Variants in PARN observed in about 807,000 individuals in gnomAD.
PARN encodes the protein poly(A)-specific ribonuclease.
Under a neutral mutation model 102.8 loss-of-function variants are expected in PARN, and 71 were observed. The observed-to-expected ratio is 0.69, with a 90% CI of 0.57 to 0.84. PARN has a LOEUF of 0.84. PARN is among the 40% of genes least tolerant of loss of function. PARN has a pLI of 0.00. For synonymous variants in PARN, 261 were observed against 252.9 expected, an observed-to-expected ratio of 1.03 and a Z score of -0.30; for missense variants, 782 against 760.9, an observed-to-expected ratio of 1.03 and a Z score of -0.33.
intron 5 of PARN, among the ~76,000 whole-genome samples, chr16:14,621,925 T>C (rs560420105): frequency 6.6e-6 from 1 of 151,154 alleles, no homozygotes; most frequent in South Asian, 2.1e-4. Flanking sequence ...GGGAGCAGTG[T>C]CTCACGCCTG....
chr16:14,572,373 T>G (rs190048231), intron 18 of PARN, among the ~76,000 whole-genome samples: 1 of 152,106 alleles, frequency 6.6e-6, no homozygotes, highest in African/African-American at 2.4e-5. Flanking sequence ...CAAAATAAGT[T>G]GACACTGGGA....
intron 18 of PARN, among the ~76,000 whole-genome samples, chr16:14,573,511 G>C (rs1315360313): frequency 6.6e-6 from 1 of 152,082 alleles, no homozygotes; most frequent in Non-Finnish European, 1.5e-5. Flanking sequence ...TATATGCTGG[G>C]CACTTATTAA....
At chr16:14,493,200 C>CTCAT (rs1398409721) in intron 21 of PARN, among the ~76,000 whole-genome samples, 1 of 152,104 alleles carries the variant, frequency 6.6e-6, no homozygotes, top group Non-Finnish European at 1.5e-5. Flanking sequence ...AAACATTCAT[C>CTCAT]TCATTCATTC....
intron 11 of PARN, among the ~76,000 whole-genome samples, chr16:14,603,356 A>C (rs1269778705): frequency 6.6e-6 from 1 of 152,106 alleles, no homozygotes; most frequent in Non-Finnish European, 1.5e-5. Context: ...CATTGTGGTT[A>C]AGTCAATTAG....
At chr16:14,593,135 G>GA (rs201534429) in intron 13 of PARN, among the ~76,000 whole-genome samples, 166 bp downstream of exon 13, 297 of 150,306 alleles carry the variant, frequency 2.0e-3, no homozygotes, top group Non-Finnish European at 3.6e-3. Context: ...ACATCTCAAG[G>GA]AAAAAAAAAT....
chr16:14,584,338 T>A lies in PARN; in HGVS notation c.1081+9A>T, dbSNP rs769742368. 1.9e-6 allele frequency: 3 copies of A among 1,589,676 alleles called. No individual in the cohort carries two copies. In the East Asian group the frequency reaches 6.7e-5, roughly 36 times the overall value. On this transcript the variant is annotated intron_variant, in intron 16 of 23. Coordinates refer to ENST00000437198, the MANE Select transcript of PARN (RefSeq NM_002582.4). The stretch of plus-strand genomic sequence containing the variant: ...AGAGTTTGGAGGGTTTCCGGTTTAA[T>A]ATTCTTACCAACTTTAGGAGGGTTG...
At chr16:14,467,194 A>C (rs1174227808) in intron 22 of PARN, among the ~76,000 whole-genome samples, 1 of 152,218 alleles carries the variant, frequency 6.6e-6, no homozygotes, top group Non-Finnish European at 1.5e-5. Context: ...ATTCCAAATG[A>C]AGGCATCATT....
chr16:14,620,463 A>T (rs2151813447), intron 5 of PARN, among the ~76,000 whole-genome samples: 1 of 152,366 alleles, frequency 6.6e-6, no homozygotes, highest in Admixed American at 6.5e-5. Context: ...TTCATACTCA[A>T]ATGAACTTAA....
chr16:14,612,437 AAAAAAT>A (rs1367345091), intron 6 of PARN, among the ~76,000 whole-genome samples: 1 of 152,100 alleles, frequency 6.6e-6, no homozygotes, highest in African/African-American at 2.4e-5. Context: ...CTGTCTCAAA[AAAAAAT>A]AAAAATAAAA....
At chr16:14,500,097 T>C (rs1964507580) in intron 21 of PARN, among the ~76,000 whole-genome samples, 1 of 152,184 alleles carries the variant, frequency 6.6e-6, no homozygotes. Flanking sequence ...ACTCTGTCAC[T>C]CAGGCTGGAG....
At chr16:14,588,070 G>A (rs1969965728) in intron 13 of PARN, among the ~76,000 whole-genome samples, 2 of 152,200 alleles carry the variant, frequency 1.3e-5, no homozygotes, top group African/African-American at 2.4e-5. Context: ...ACAATGTTCT[G>A]TGGGAGTTGA....
intron 22 of PARN, among the ~76,000 whole-genome samples, chr16:14,465,097 G>C (rs1256225966): frequency 6.6e-6 from 1 of 152,072 alleles, no homozygotes; most frequent in Non-Finnish European, 1.5e-5. Context: ...ATAGGATCTT[G>C]CTCTCTGTTA....
At chr16:14,597,035 C>T (rs910177279) in intron 12 of PARN, among the ~76,000 whole-genome samples, 1 of 152,076 alleles carries the variant, frequency 6.6e-6, no homozygotes, top group Non-Finnish European at 1.5e-5. Context: ...GATCCGCCCC[C>T]CTTGGCCTCC....
At chr16:14,491,215 GTTAA>G (rs1964041486) in intron 21 of PARN, among the ~76,000 whole-genome samples, 1 of 149,588 alleles carries the variant, frequency 6.7e-6, no homozygotes, top group Non-Finnish European at 1.5e-5. Context: ...ATTCTATTCT[GTTAA>G]ACCCTTCGGC....
At chr16:14,439,040 A>G (rs1960833576) in intron 23 of PARN, among the ~76,000 whole-genome samples, 1 of 152,178 alleles carries the variant, frequency 6.6e-6, no homozygotes, top group South Asian at 2.1e-4. Flanking sequence ...GCCCTGTTTT[A>G]CTGGAGTGTA....
At chr16:14,458,702 C>T (rs144261829) in intron 22 of PARN, among the ~76,000 whole-genome samples, 154 of 152,270 alleles carry the variant, frequency 1.0e-3, no homozygotes, top group Non-Finnish European at 1.5e-3. Flanking sequence ...ATTCCTAAAA[C>T]GAGCAGGTGA....
intron 22 of PARN, among the ~76,000 whole-genome samples, chr16:14,469,808 C>A (rs999805502): frequency 6.6e-6 from 1 of 152,004 alleles, no homozygotes; most frequent in Non-Finnish European, 1.5e-5. Context: ...TCCGCTAACA[C>A]CACTATAAAT....
intron 22 of PARN, among the ~76,000 whole-genome samples, chr16:14,448,390 G>A (rs890445639): frequency 2.0e-5 from 3 of 151,924 alleles, no homozygotes; most frequent in East Asian, 1.9e-4. Flanking sequence ...CTCGTGATCC[G>A]CCCAACTTGG....
intron 14 of PARN, 119 bp downstream of exon 14, chr16:14,586,199 C>A (rs1969845688): frequency 3.2e-6 from 2 of 633,740 alleles, no homozygotes; most frequent in South Asian, 2.0e-5. Flanking sequence ...TGGTTCTGAA[C>A]TCCCTAGGCT....
Sources: allele counts gnomAD v4.1 joint callset (sites outside exome capture counted in the v4.1 genomes callset), GRCh38; gene constraint gnomAD v4.1.1; transcripts MANE v1.5; gene names NCBI Gene and HGNC (gene_info 2026-07-23, HGNC 2026-07-21).